The following DDX4 variants were observed in gnomAD, a reference collection of about 807,000 sequenced individuals.
DDX4 encodes the protein DEAD-box helicase 4.
Under a neutral mutation model 100.0 loss-of-function variants are expected in DDX4, and 25 were observed. The observed-to-expected ratio is 0.25, with a 90% CI of 0.18 to 0.35. DDX4 has a LOEUF of 0.35. DDX4 is among the 10% of genes least tolerant of loss of function. The pLI, the probability that DDX4 is intolerant of heterozygous loss-of-function variation, is 1.00. For missense variants in DDX4, 635 were observed against 882.4 expected, an observed-to-expected ratio of 0.72 and a Z score of 3.55; for synonymous variants, 259 against 275.7, an observed-to-expected ratio of 0.94 and a Z score of 0.60.
At chr5:55,771,350 C>T (rs1187838178) in intron 7 of DDX4, among the ~76,000 whole-genome samples, 3 of 152,004 alleles carry the variant, frequency 2.0e-5, no homozygotes, top group African/African-American at 4.8e-5. Context: ...TAACAGCATA[C>T]GATAATTTCG....
chr5:55,746,518 A>G (rs992678315), intron 3 of DDX4, among the ~76,000 whole-genome samples: 2 of 152,186 alleles, frequency 1.3e-5, no homozygotes, highest in African/African-American at 4.8e-5. Context: ...AGGGTTCCTG[A>G]CATAAGGGAG....
intron 21 of DDX4, among the ~76,000 whole-genome samples, chr5:55,816,215 A>G (rs970746841): frequency 6.6e-6 from 1 of 151,880 alleles, no homozygotes; most frequent in Non-Finnish European, 1.5e-5. Context: ...AGTTTTCCCC[A>G]CTTGTCAAAA....
At chr5:55,794,906 C>A (rs1404235087) in intron 17 of DDX4, among the ~76,000 whole-genome samples, 1 of 151,922 alleles carries the variant, frequency 6.6e-6, no homozygotes, top group East Asian at 1.9e-4. Context: ...CTACTTATAC[C>A]TGTAACTCTC....
Position 55,787,804 on chromosome 5 carries a change from T to C in DDX4, c.1018-42T>C, listed in dbSNP as rs1289832450. 7 of 1,595,358 alleles carry C rather than the reference T, an allele frequency of 4.4e-6. No individual in the cohort carries two copies. The Admixed American group carries it at 5.3e-5, about 12-fold the overall frequency. ...GATTAGCTTTCCATAGGGATAAAAG[T>C]GTTGTGCTATAAGTTTGTAAACTAA... is the stretch of plus-strand genomic sequence containing the variant. On this transcript the variant is annotated intron_variant, in intron 14 of 21. Coordinates refer to ENST00000505374, the MANE Select transcript of DDX4 (RefSeq NM_024415.3).
chr5:55,772,271 AAT>A (rs2111899360), intron 7 of DDX4, among the ~76,000 whole-genome samples: 1 of 152,320 alleles, frequency 6.6e-6, no homozygotes, highest in Non-Finnish European at 1.5e-5. Flanking sequence ...TGTGGGAATC[AAT>A]ATACATTTTT....
At chr5:55,765,413 A>AAAAAAAAATATATATAT (rs1392558099) in intron 6 of DDX4, among the ~76,000 whole-genome samples, 7 of 83,040 alleles carry the variant, frequency 8.4e-5, no homozygotes, top group African/African-American at 4.1e-4. Context: ...AAAAAAAAAA[A>AAAAAAAAATATATATAT]ATATATATAT....
chr5:55,792,925 GT>G, intron 17 of DDX4, 118 bp downstream of exon 17: 2 of 551,144 alleles, frequency 3.6e-6, no homozygotes, highest in Non-Finnish European at 5.1e-6. Context: ...AATATAGGTA[GT>G]TTAAAAAGTA....
intron 7 of DDX4, 47 bp downstream of exon 7, chr5:55,767,987 A>G (rs1561491470): frequency 4.0e-6 from 6 of 1,495,082 alleles, no homozygotes; most frequent in Admixed American, 3.4e-5. Flanking sequence ...CAGAGACACT[A>G]AACTGGTAAA....
rs781608174 is a variant in DDX4, at chr5:55,787,826, C to T, written c.1018-20C>T. ...AAGTGTTGTGCTATAAGTTTGTAAACTAAGCAACTTAACTTCTAGGCGGCT... is the reference window on the plus strand; with the variant it reads ...AAGTGTTGTGCTATAAGTTTGTAAATTAAGCAACTTAACTTCTAGGCGGCT... On this transcript the variant is annotated intron_variant, in intron 14 of 21. Transcript: ENST00000505374. 1 of 1,609,550 alleles carries T rather than the reference C, an allele frequency of 6.2e-7. No homozygotes were observed. The highest frequency in any genetic ancestry group is 1.1e-5 in the South Asian group (1 of 90,232).
At chr5:55,785,605 T>C (rs1455619130) in intron 12 of DDX4, 111 bp downstream of exon 12, 5 of 1,288,642 alleles carry the variant, frequency 3.9e-6, no homozygotes, top group Non-Finnish European at 2.2e-6. Flanking sequence ...GTGAAAACTT[T>C]AAAGGTAAGC....
chr5:55,788,308 C>T (rs910976874), intron 15 of DDX4, among the ~76,000 whole-genome samples: 1 of 151,912 alleles, frequency 6.6e-6, no homozygotes, highest in Non-Finnish European at 1.5e-5. Context: ...GACCCCATCT[C>T]TACAAAAAAT....
intron 3 of DDX4, among the ~76,000 whole-genome samples, chr5:55,757,720 A>T (rs1011845116): frequency 6.6e-6 from 1 of 152,114 alleles, no homozygotes; most frequent in African/African-American, 2.4e-5. Flanking sequence ...TAAACCATAA[A>T]GCTTAATGTT....
chr5:55,780,437 C>T (rs1445935232), intron 8 of DDX4, among the ~76,000 whole-genome samples: 1 of 152,106 alleles, frequency 6.6e-6, no homozygotes, highest in Non-Finnish European at 1.5e-5. Context: ...ATTTTTCCAG[C>T]CATCATTTTT....
chr5:55,757,130 A>G (rs1044327188), intron 3 of DDX4, among the ~76,000 whole-genome samples: 1 of 152,088 alleles, frequency 6.6e-6, no homozygotes, highest in African/African-American at 2.4e-5. Flanking sequence ...TTTTATTTAC[A>G]TAGGTTTTTG....
chr5:55,813,862 C>T, intron 19 of DDX4, 90 bp downstream of exon 19: 1 of 1,348,332 alleles, frequency 7.4e-7, no homozygotes, highest in Non-Finnish European at 9.6e-7. Context: ...ATGATATAAT[C>T]CTAGGATTGG....
At chr5:55,778,129 A>G (rs1741683834) in intron 7 of DDX4, among the ~76,000 whole-genome samples, 1 of 152,184 alleles carries the variant, frequency 6.6e-6, no homozygotes, top group Non-Finnish European at 1.5e-5. Context: ...ATCATAGGTC[A>G]TGTTCTCTTA....
rs933023750 is a variant in DDX4 at position 55,752,718 on chromosome 5, C to G, written c.127+6497C>G. ...ATACCCAGTAATGGGATGGCTGGGTCAAATGGTATTTCCAGTTCTAGATCC... is the reference window on the plus strand; with the variant it reads ...ATACCCAGTAATGGGATGGCTGGGTGAAATGGTATTTCCAGTTCTAGATCC... On this transcript the variant is annotated intron_variant, in intron 3 of 21. Transcript: ENST00000505374. Among the ~76,000 whole-genome samples, 49 of 144,768 alleles carry G rather than the reference C, an allele frequency of 3.4e-4. No homozygotes were observed. The Middle Eastern group carries it at 0.011, about 32-fold the overall frequency. 95.0% of individuals were successfully genotyped at this position (144,768 alleles called of 152,430 possible).
intron 3 of DDX4, among the ~76,000 whole-genome samples, chr5:55,751,972 G>C (rs1411996947): frequency 6.6e-6 from 1 of 151,960 alleles, no homozygotes; most frequent in Non-Finnish European, 1.5e-5. Context: ...ATTTATTTGA[G>C]TGTCAAATCA....
intron 13 of DDX4, 51 bp from the exon 14 acceptor site, chr5:55,786,467 A>C: frequency 7.1e-7 from 1 of 1,401,480 alleles, no homozygotes; most frequent in Non-Finnish European, 9.9e-7. Flanking sequence ...CTTATAAATG[A>C]TCTGCATATG....
Sources: gnomAD v4.1 joint callset for allele counts (sites outside exome capture counted in the v4.1 genomes callset) on GRCh38, gnomAD v4.1.1 for gene constraint, MANE v1.5 for transcripts, NCBI Gene and HGNC (gene_info 2026-07-23, HGNC 2026-07-21) for gene names.